Variants in RARS2 observed in about 807,000 individuals in gnomAD.
The protein encoded by RARS2 is arginyl-tRNA synthetase 2, mitochondrial, also known as probable arginine--tRNA ligase, mitochondrial.
Under a neutral mutation model 88.5 loss-of-function variants are expected in RARS2, and 67 were observed. The observed-to-expected ratio is 0.76, with a 90% CI of 0.62 to 0.93. The LOEUF is 0.93. RARS2 is among the 40% of genes least tolerant of loss of function. The pLI, the probability that RARS2 is intolerant of heterozygous loss-of-function variation, is 0.00. For missense variants in RARS2, 664 were observed against 684.2 expected, an observed-to-expected ratio of 0.97 and a Z score of 0.33; for synonymous variants, 239 against 230.3, an observed-to-expected ratio of 1.04 and a Z score of -0.34.
At chr6:87,532,953 CT>C (rs1208441189) in intron 8 of RARS2, among the ~76,000 whole-genome samples, 1 of 152,154 alleles carries the variant, frequency 6.6e-6, no homozygotes, top group Admixed American at 6.5e-5. Flanking sequence ...TTGACAACTG[CT>C]TAACGGTCCA....
In RARS2 at chr6:87,514,064, C is replaced by T. The variant is rs1042744027; in HGVS notation, c.*349G>A. ...TGGTGGTTCATGCCTCTAATCCCAA[C>T]ACTTTGGGAGGCCAAGGCAGACAGA... On this transcript the variant is annotated 3_prime_UTR_variant, in exon 20 of 20. Transcript: ENST00000369536. Among the ~76,000 whole-genome samples, 2 of 152,176 alleles carry T rather than the reference C, an allele frequency of 1.3e-5. No individual in the cohort carries two copies. The highest frequency in any genetic ancestry group is 4.8e-5 in the African/African-American group (2 of 41,444).
chr6:87,528,740 G>C (rs2128053948), intron 10 of RARS2, among the ~76,000 whole-genome samples: 1 of 152,326 alleles, frequency 6.6e-6, no homozygotes, highest in East Asian at 1.9e-4. Flanking sequence ...GGAATGGGGA[G>C]ATGTTGGTTA....
intron 9 of RARS2, among the ~76,000 whole-genome samples, chr6:87,530,333 T>G (rs1777064353): frequency 6.6e-6 from 1 of 152,192 alleles, no homozygotes; most frequent in Admixed American, 6.5e-5. Flanking sequence ...AACCACTTAA[T>G]AAAAACATAG....
chr6:87,527,625 G>C (rs1776178843), intron 10 of RARS2, among the ~76,000 whole-genome samples: 3 of 152,000 alleles, frequency 2.0e-5, no homozygotes, highest in African/African-American at 7.2e-5. Flanking sequence ...ACAACCTAGA[G>C]GATTAAAGAA....
At chr6:87,530,604 A>T (rs935077010) in intron 9 of RARS2, among the ~76,000 whole-genome samples, 180 bp downstream of exon 9, 2 of 152,224 alleles carry the variant, frequency 1.3e-5, no homozygotes, top group African/African-American at 2.4e-5. Context: ...ATATCACCTG[A>T]CACTGCTTCA....
intron 17 of RARS2, 85 bp from the exon 18 acceptor site, chr6:87,516,965 G>T (rs1015707259): frequency 1.9e-6 from 3 of 1,576,316 alleles, no homozygotes; most frequent in Admixed American, 1.7e-5. Context: ...TGAATATAAG[G>T]TTGACTCGAC....
intron 4 of RARS2, 45 bp downstream of exon 4, chr6:87,562,657 C>A: frequency 7.0e-7 from 1 of 1,425,180 alleles, no homozygotes; most frequent in Non-Finnish European, 9.9e-7. Flanking sequence ...GTGGCTGAAG[C>A]AGACAGAATG....
At chr6:87,524,007 G>GCCATA (rs1337010324) in intron 11 of RARS2, among the ~76,000 whole-genome samples, 2 of 152,152 alleles carry the variant, frequency 1.3e-5, no homozygotes, top group Non-Finnish European at 2.9e-5. Context: ...GCTTAAAGTT[G>GCCATA]TTTGGAACAA....
In RARS2 at chr6:87,530,839, G is replaced by A. The variant is rs750319167; in HGVS notation, c.716C>T (p.Ser239Leu). ...RLELGDVQAL[S>L]LWQKFRDLSI... Reference sequence around the variant, plus strand: ...CAAGTCCCGAAATTTTTGCCACAGTGAAAGTGCTTGCACATCGCCCAGTTC... The same window carrying A: ...CAAGTCCCGAAATTTTTGCCACAGTAAAAGTGCTTGCACATCGCCCAGTTC... Residue 239 changes from serine to leucine, a missense_variant, in exon 9 of 20, where the codon TCA (serine) becomes TTA (leucine). Physicochemically the swap from Ser to Leu is moderately radical, Grantham distance 145 (BLOSUM62 -2). Coordinates refer to ENST00000369536, the MANE Select transcript of RARS2 (RefSeq NM_020320.5). 16 of 1,614,052 alleles carry A rather than the reference G, an allele frequency of 9.9e-6. No individual in the cohort carries two copies. Among genetic ancestry groups the A allele is most frequent in the Admixed American group, 3.3e-5 (2 of 60,010 alleles).
At chr6:87,553,043 T>C (rs1263776408) in intron 5 of RARS2, among the ~76,000 whole-genome samples, 1 of 152,198 alleles carries the variant, frequency 6.6e-6, no homozygotes. Flanking sequence ...TTAAGAGATG[T>C]ACTCTATTTT....
At chr6:87,528,855 T>C (rs1776567638) in intron 10 of RARS2, among the ~76,000 whole-genome samples, 1 of 152,222 alleles carries the variant, frequency 6.6e-6, no homozygotes, top group Non-Finnish European at 1.5e-5. Context: ...TGAAAACTGC[T>C]AACAGGGTAG....
At chr6:87,581,430 A>G (rs1268099719) in intron 1 of RARS2, among the ~76,000 whole-genome samples, 1 of 152,184 alleles carries the variant, frequency 6.6e-6, no homozygotes, top group Non-Finnish European at 1.5e-5. Context: ...CACCAAGACC[A>G]GTGCAGAAGC....
Position 87,530,909 on chromosome 6 carries a change from C to A in RARS2, c.646G>T (p.Asp216Tyr). The change falls in exon 9 of 20, where the codon GAT (aspartate) becomes TAT (tyrosine). Residue 216 changes from aspartate (D) to tyrosine (Y), a missense_variant. Transcript: ENST00000369536. ...TGTGCTGCTTTTGCTACACTTTTATCATCTGCTGCTTCTTTATTAACTTGT... is the reference window on the plus strand; with the variant it reads ...TGTGCTGCTTTTGCTACACTTTTATAATCTGCTGCTTCTTTATTAACTTGT... ...YVQVNKEAAD[D>Y]KSVAKAAQEF... The A allele has an allele frequency of 6.2e-7, 1 of 1,614,186 alleles. No homozygotes were observed. Among genetic ancestry groups the A allele is most frequent in the Non-Finnish European group, 8.5e-7 (1 of 1,180,028 alleles).
At chr6:87,542,488 T>TA (rs570314649) in intron 7 of RARS2, among the ~76,000 whole-genome samples, 85 of 152,148 alleles carry the variant, frequency 5.6e-4, no homozygotes, top group Non-Finnish European at 1.0e-3. Flanking sequence ...TATTAGTTCT[T>TA]AAACAAAATT....
chr6:87,578,470 A>G (rs1170110605), intron 1 of RARS2, among the ~76,000 whole-genome samples: 1 of 151,920 alleles, frequency 6.6e-6, no homozygotes, highest in South Asian at 2.1e-4. Context: ...ATTATTTTGC[A>G]AAAATGAGAA....
chr6:87,584,790 C>T, intron 1 of RARS2: 1 of 450,008 alleles, frequency 2.2e-6, no homozygotes, highest in South Asian at 1.6e-5. Context: ...ATGATGAATC[C>T]TTGTGCAGTT....
Position 87,555,436 on chromosome 6 carries a change from G to C in RARS2, c.367C>G (p.Pro123Ala). Residue 123 changes from proline (P) to alanine (A), a missense_variant, in exon 5 of 20, where the codon CCC becomes GCC. Pro to Ala is a conservative substitution (Grantham distance 27). Coordinates refer to ENST00000369536, the MANE Select transcript of RARS2 (RefSeq NM_020320.5). The stretch of plus-strand genomic sequence containing the variant: ...AATTCAACCACAATCTTCTTCTGGG[G>C]AAGTCCAGAGAAAAGTTCACTTTTT... ...GLKSELFSGL[P>A]QKKIVVEFSS... 6.2e-7 allele frequency: 1 copy of C among 1,613,908 alleles called. No homozygotes were observed. The highest frequency in any genetic ancestry group is 8.5e-7 in the Non-Finnish European group (1 of 1,179,882).
At chr6:87,522,053 A>G (rs1158346158) in intron 11 of RARS2, among the ~76,000 whole-genome samples, 1 of 152,204 alleles carries the variant, frequency 6.6e-6, no homozygotes, top group Non-Finnish European at 1.5e-5. Flanking sequence ...AAAGTCGGCC[A>G]GGTGTGGCGG....
chr6:87,549,141 G>C (rs1783568611), intron 5 of RARS2, among the ~76,000 whole-genome samples: 1 of 151,938 alleles, frequency 6.6e-6, no homozygotes, highest in Admixed American at 6.6e-5. Context: ...GATCACTTGA[G>C]GCCAGGAGTT....
Sources: gnomAD v4.1 joint callset for allele counts (sites outside exome capture counted in the v4.1 genomes callset) on GRCh38, gnomAD v4.1.1 for gene constraint, MANE v1.5 for transcripts, NCBI Gene and HGNC (gene_info 2026-07-23, HGNC 2026-07-21) for gene names.